Variants in FUT8 observed in about 807,000 individuals in gnomAD.
FUT8 encodes fucosyltransferase 8, also known as alpha-(1,6)-fucosyltransferase.
FUT8 carries 29 observed loss-of-function variants against 71.3 expected under a neutral mutation model. The observed-to-expected ratio is 0.41, with a 90% CI of 0.30 to 0.55. The LOEUF is 0.55. Ranked by LOEUF, FUT8 falls within the 20% of genes least tolerant of loss-of-function variation. FUT8 has a pLI of 0.34. For missense variants in FUT8, 544 were observed against 702.1 expected (o/e 0.77, Z 2.55); for synonymous variants, 254 against 239.3 (o/e 1.06, Z -0.57).
At chr14:65,530,747 A>G (rs550512011) in intron 2 of FUT8, among the ~76,000 whole-genome samples, 1 of 151,004 alleles carries the variant, frequency 6.6e-6, no homozygotes, top group Non-Finnish European at 1.5e-5. Flanking sequence ...TTAATGCCCT[A>G]CTGAAGATCA....
intron 2 of FUT8, among the ~76,000 whole-genome samples, chr14:65,552,408 A>G (rs1885340906): frequency 6.6e-6 from 1 of 152,228 alleles, no homozygotes; most frequent in Admixed American, 6.5e-5. Flanking sequence ...TTTTGAACAT[A>G]TGAGTGAATG....
At chr14:65,412,511 A>T (rs1428271718), upstream of FUT8, 1 of 359,012 alleles carries the variant, frequency 2.8e-6, no homozygotes, top group Non-Finnish European at 5.5e-6. Flanking sequence ...TGCGAGCCGG[A>T]GCCGGCGTGC....
the FUT8 span, among the ~76,000 whole-genome samples, chr14:65,372,191 C>A: frequency 2.0e-5 from 3 of 152,122 alleles, no homozygotes; most frequent in African/African-American, 7.2e-5. Flanking sequence ...TTTCTCTCCC[C>A]CTTTGACCTC....
At chr14:65,401,883 T>G in the FUT8 span, among the ~76,000 whole-genome samples, 3 of 114,920 alleles carry the variant, frequency 2.6e-5, no homozygotes, top group African/African-American at 3.5e-5. Context: ...GGTGACAGAG[T>G]GAGACCCTGT....
intron 7 of FUT8, among the ~76,000 whole-genome samples, chr14:65,693,082 G>A (rs1443678545): frequency 3.3e-5 from 5 of 152,174 alleles, no homozygotes; most frequent in Non-Finnish European, 5.9e-5. Context: ...AGGCAGAGAC[G>A]CTCCTCACTT....
intron 2 of FUT8, among the ~76,000 whole-genome samples, chr14:65,535,589 T>C (rs1463264445): frequency 2.0e-5 from 3 of 152,198 alleles, no homozygotes; most frequent in Non-Finnish European, 4.4e-5. Flanking sequence ...ATTATATGGT[T>C]GTGAGTGATT....
intron 3 of FUT8, among the ~76,000 whole-genome samples, chr14:65,587,781 A>G (rs1188340346): frequency 6.6e-6 from 1 of 152,206 alleles, no homozygotes; most frequent in Non-Finnish European, 1.5e-5. Flanking sequence ...AAATGCATCC[A>G]TGTATTAGTT....
intron 7 of FUT8, among the ~76,000 whole-genome samples, chr14:65,684,533 T>C (rs1237162638): frequency 6.6e-6 from 1 of 152,232 alleles, no homozygotes; most frequent in Non-Finnish European, 1.5e-5. Context: ...TTGAAGCTAT[T>C]ATCTGTTGTC....
chr14:65,397,344 G>C, the FUT8 span, among the ~76,000 whole-genome samples: 1 of 152,220 alleles, frequency 6.6e-6, no homozygotes, highest in Non-Finnish European at 1.5e-5. This position sits in a 1 kb window ranked among gnomAD's most constrained non-coding sequence, Gnocchi z 4.2. Flanking sequence ...CTAGTAGTTT[G>C]AGAGGATTAT....
chr14:65,704,575 T>C (rs1894468381), intron 7 of FUT8, among the ~76,000 whole-genome samples: 2 of 152,112 alleles, frequency 1.3e-5, no homozygotes, highest in African/African-American at 4.8e-5. Flanking sequence ...AAAAACTCCC[T>C]CAAACGTCTA....
chr14:65,377,930 A>C, the FUT8 span, among the ~76,000 whole-genome samples: 3 of 152,236 alleles, frequency 2.0e-5, no homozygotes, highest in Admixed American at 6.5e-5. Context: ...GGTGAGTCAT[A>C]TGACAATCTC....
chr14:65,612,322 G>A (rs949597251), intron 3 of FUT8, among the ~76,000 whole-genome samples: 3 of 152,058 alleles, frequency 2.0e-5, no homozygotes, highest in Admixed American at 2.0e-4. Context: ...TTGGTCTGGG[G>A]CACATTTTCC....
intron 3 of FUT8, among the ~76,000 whole-genome samples, chr14:65,577,540 G>T (rs1224988284): frequency 2.0e-5 from 3 of 152,136 alleles, no homozygotes; most frequent in Non-Finnish European, 4.4e-5. Flanking sequence ...TCAATAAACA[G>T]ATTTTTAGCT....
intron 6 of FUT8, among the ~76,000 whole-genome samples, chr14:65,658,032 G>A (rs1220300841): frequency 2.6e-5 from 4 of 152,084 alleles, no homozygotes; most frequent in African/African-American, 4.8e-5. Flanking sequence ...TGAAAGAGAA[G>A]CCATAGACTG....
Position 65,643,715 on chromosome 14 carries a change from C to CACACACACACACACACACA in FUT8, c.597+14109_597+14110insACACACACACACACACACA, listed in dbSNP as rs1890978227. ...ACACACACACACACACACACACACA[C>CACACACACACACACACACA]CAGATTCCATTCTAGATGCTATTCC... is the stretch of plus-strand genomic sequence containing the variant. On this transcript the variant is annotated intron_variant, in intron 6 of 10. Coordinates refer to ENST00000673929, the MANE Select transcript of FUT8 (RefSeq NM_001371533.1). This position sits in a 1 kb window ranked among gnomAD's most constrained non-coding sequence, Gnocchi z 4.5. 2.8e-5 allele frequency among the ~76,000 whole-genome samples: 4 copies of CACACACACACACACACACA among 145,030 alleles called. No individual in the cohort carries two copies. Among genetic ancestry groups the CACACACACACACACACACA allele is most frequent in the African/African-American group, 7.6e-5 (3 of 39,560 alleles).
At chr14:65,418,334 A>G (rs1304813654) in intron 1 of FUT8, among the ~76,000 whole-genome samples, 3 of 152,184 alleles carry the variant, frequency 2.0e-5, no homozygotes, top group African/African-American at 4.8e-5. Context: ...GTTTTTATCA[A>G]TGTTGTGACT....
At chr14:65,664,557 C>G (rs1892118692) in intron 6 of FUT8, among the ~76,000 whole-genome samples, 1 of 152,070 alleles carries the variant, frequency 6.6e-6, no homozygotes, top group Non-Finnish European at 1.5e-5. Context: ...ATGGGTTCTG[C>G]TTTGATCTAA....
intron 7 of FUT8, among the ~76,000 whole-genome samples, chr14:65,692,508 AC>A (rs375551950): frequency 0.68 from 9,339 of 13,754 alleles, 3,633 homozygotes; most frequent in Middle Eastern, 1. Context: ...CGGGGGGCTG[AC>A]CCCCCCCCCA....
intron 7 of FUT8, among the ~76,000 whole-genome samples, chr14:65,692,494 C>G (rs1283898001): frequency 1.5e-5 from 1 of 65,798 alleles, no homozygotes; most frequent in Admixed American, 1.5e-4. Flanking sequence ...GGCGGCTGGC[C>G]GGGCGGGGGG....
Sources: allele counts gnomAD v4.1 joint callset (sites outside exome capture counted in the v4.1 genomes callset), GRCh38; gene constraint gnomAD v4.1.1; non-coding constraint Gnocchi (gnomAD v3.1); transcripts MANE v1.5; gene names NCBI Gene and HGNC (gene_info 2026-07-23, HGNC 2026-07-21).